KCNIP4: variants seen among roughly 807,000 people sequenced by gnomAD.
KCNIP4 encodes the protein potassium voltage-gated channel interacting protein 4.
A neutral mutation model predicts 34.0 loss-of-function variants in KCNIP4; 12 were observed. That is an observed-to-expected ratio of 0.35 (90% confidence interval 0.23 to 0.57). KCNIP4 has a LOEUF of 0.57. Ranked by LOEUF, KCNIP4 falls within the 20% of genes least tolerant of loss-of-function variation. The probability of loss-of-function intolerance (pLI) is 0.83; values close to 1 mark genes in which losing one functional copy is unlikely to be tolerated. For missense variants in KCNIP4, 238 were observed against 311.7 expected (o/e 0.76, Z 1.78); for synonymous variants, 124 against 102.2 (o/e 1.21, Z -1.29).
chr4:21,478,799 T>C (rs911139253), intron 1 of KCNIP4, among the ~76,000 whole-genome samples: 2 of 152,166 alleles, frequency 1.3e-5, no homozygotes, highest in African/African-American at 4.8e-5. Context: ...CTGGATCCCT[T>C]ATACAGTTCT....
chr4:20,916,043 A>G (rs1419750963), intron 1 of KCNIP4, among the ~76,000 whole-genome samples: 1 of 152,266 alleles, frequency 6.6e-6, no homozygotes, highest in South Asian at 2.1e-4. Context: ...CCCAAAATGC[A>G]TATTTTTGAG....
chr4:21,236,042 C>A lies in KCNIP4; in HGVS notation c.62-353333G>T, dbSNP rs188052836. 2.5e-3 allele frequency among the ~76,000 whole-genome samples: 388 copies of A among 152,232 alleles called. 4 individuals are homozygous for A. The highest frequency in any genetic ancestry group is 8.9e-3 in the African/African-American group (370 of 41,550). On this transcript the variant is annotated intron_variant, in intron 1 of 8. Coordinates refer to ENST00000382152, the MANE Select transcript of KCNIP4 (RefSeq NM_025221.6). The stretch of plus-strand genomic sequence containing the variant: ...GGGCACGGTGGCTCATGCCTGTAAT[C>A]TCATCAGTTTGGGAGGCTGAGGCAG...
At chr4:21,641,977 G>A (rs1746647010) in intron 1 of KCNIP4, among the ~76,000 whole-genome samples, 1 of 152,146 alleles carries the variant, frequency 6.6e-6, no homozygotes, top group Non-Finnish European at 1.5e-5. Context: ...CTTCCATCAT[G>A]GAAGGGGGGT....
At chr4:21,580,371 C>T (rs1244434271) in intron 1 of KCNIP4, among the ~76,000 whole-genome samples, 1 of 152,082 alleles carries the variant, frequency 6.6e-6, no homozygotes, top group Non-Finnish European at 1.5e-5. Flanking sequence ...CTACATTTAG[C>T]TCTGGATATG....
At chr4:21,602,897 G>A (rs370285918) in intron 1 of KCNIP4, among the ~76,000 whole-genome samples, 1 of 152,214 alleles carries the variant, frequency 6.6e-6, no homozygotes, top group East Asian at 1.9e-4. Context: ...TTTGAATTTT[G>A]CCATTTAAAA....
intron 1 of KCNIP4, among the ~76,000 whole-genome samples, chr4:21,805,979 T>A (rs755625228): frequency 6.6e-6 from 1 of 152,218 alleles, no homozygotes; most frequent in East Asian, 1.9e-4. Flanking sequence ...TGGAGCTGCT[T>A]TTCCTTTAGG....
chr4:21,078,497 CTCT>C, intron 1 of KCNIP4, among the ~76,000 whole-genome samples: 1 of 152,068 alleles, frequency 6.6e-6, no homozygotes, highest in South Asian at 2.1e-4. Context: ...TCTCTTGTGC[CTCT>C]TCTTATAAGA....
chr4:21,359,998 C>G (rs1719049153), intron 1 of KCNIP4, among the ~76,000 whole-genome samples: 1 of 152,036 alleles, frequency 6.6e-6, no homozygotes, highest in East Asian at 1.9e-4. Flanking sequence ...CAAGAATTTG[C>G]AAATAGTTGA....
chr4:20,815,839 G>A (rs993432793), intron 3 of KCNIP4, among the ~76,000 whole-genome samples: 1 of 152,192 alleles, frequency 6.6e-6, no homozygotes, highest in Non-Finnish European at 1.5e-5. Context: ...GTTTTGTAGT[G>A]AGACATGTGA....
intron 1 of KCNIP4, among the ~76,000 whole-genome samples, chr4:21,174,903 A>G (rs1754291506): frequency 2.6e-5 from 1 of 38,968 alleles, no homozygotes; most frequent in Non-Finnish European, 7.0e-5. Flanking sequence ...CACTGTCTCA[A>G]AAAAAAAAAA....
chr4:20,871,117 T>G (rs1300079880), intron 2 of KCNIP4, among the ~76,000 whole-genome samples: 2 of 152,172 alleles, frequency 1.3e-5, no homozygotes, highest in Admixed American at 1.3e-4. Context: ...AGAGACAATT[T>G]ATTCATTTAT....
At chr4:21,763,280 T>C (rs538045470) in intron 1 of KCNIP4, among the ~76,000 whole-genome samples, 1 of 152,276 alleles carries the variant, frequency 6.6e-6, no homozygotes, top group South Asian at 2.1e-4. Context: ...CATCCGGTGC[T>C]TATTACACAC....
chr4:20,922,418 G>C (rs1386749094), intron 1 of KCNIP4, among the ~76,000 whole-genome samples: 1 of 152,140 alleles, frequency 6.6e-6, no homozygotes. Context: ...CGTCTGGTTC[G>C]TGGGCCTTCA....
At chr4:21,433,491 G>T (rs1220412275) in intron 1 of KCNIP4, among the ~76,000 whole-genome samples, 1 of 152,150 alleles carries the variant, frequency 6.6e-6, no homozygotes, top group Admixed American at 6.5e-5. Flanking sequence ...TGAACCTCTA[G>T]CCTTTAGCCA....
chr4:20,787,858 G>A (rs1712208371), intron 3 of KCNIP4, among the ~76,000 whole-genome samples: 2 of 151,918 alleles, frequency 1.3e-5, no homozygotes, highest in Non-Finnish European at 1.5e-5. Flanking sequence ...AAGCAACCAT[G>A]TCTTCTTTAT....
chr4:21,346,044 T>C (rs1203298321), intron 1 of KCNIP4, among the ~76,000 whole-genome samples: 1 of 140,868 alleles, frequency 7.1e-6, no homozygotes, highest in East Asian at 2.4e-4. Context: ...AGTGGCACAA[T>C]GCCAAAGCCC....
chr4:20,861,447 C>G (rs1242550473), intron 2 of KCNIP4, among the ~76,000 whole-genome samples: 1 of 152,100 alleles, frequency 6.6e-6, no homozygotes, highest in African/African-American at 2.4e-5. Context: ...CTGTGGGAGT[C>G]CTAGGCCTTC....
chr4:21,799,375 T>C (rs1720852063), intron 1 of KCNIP4, among the ~76,000 whole-genome samples: 2 of 152,172 alleles, frequency 1.3e-5, no homozygotes, highest in African/African-American at 4.8e-5. Context: ...CTCTTAAACT[T>C]TTCTTTATAT....
intron 1 of KCNIP4, among the ~76,000 whole-genome samples, chr4:21,555,419 A>T (rs1738930604): frequency 6.6e-6 from 1 of 152,178 alleles, no homozygotes; most frequent in Non-Finnish European, 1.5e-5. Flanking sequence ...CTCCAGCATG[A>T]ATGGACCCAA....
Sources: allele counts gnomAD v4.1 joint callset (sites outside exome capture counted in the v4.1 genomes callset), GRCh38; gene constraint gnomAD v4.1.1; transcripts MANE v1.5; gene names NCBI Gene and HGNC (gene_info 2026-07-23, HGNC 2026-07-21).